TMEM59L: variants seen among roughly 807,000 people sequenced by gnomAD.
TMEM59L encodes transmembrane protein 59 like.
A neutral mutation model predicts 39.6 loss-of-function variants in TMEM59L; 31 were observed. The observed-to-expected ratio is 0.78, with a 90% CI of 0.59 to 1.06. The LOEUF is 1.06. TMEM59L is among the 50% of genes least tolerant of loss of function. The pLI is 0.00. For missense variants in TMEM59L, 441 were observed against 451.3 expected (o/e 0.98, Z 0.21); for synonymous variants, 219 against 202.9 (o/e 1.08, Z -0.68).
chr19:18,612,966 C>T lies in TMEM59L; in HGVS notation c.8C>T (p.Ala3Val), dbSNP rs1318358080. The change falls in exon 1 of 8, where the codon GCG (alanine) becomes GTG (valine). Residue 3 changes from alanine (A) to valine (V), a missense_variant. Transcript: ENST00000262817. This position sits in a 1 kb window ranked among gnomAD's most constrained non-coding sequence, Gnocchi z 6.2. MA[A>V]VALMPPPLLL... ...CCCGCGTTCCGCCCGGCCATGGCTG[C>T]GGTGGCGCTGATGCCACCGCCGCTG... The T allele has an allele frequency of 3.0e-6, 4 of 1,330,148 alleles. No homozygotes were observed. Among genetic ancestry groups the T allele is most frequent in the Non-Finnish European group, 3.8e-6 (4 of 1,044,640 alleles). 82.4% of individuals were successfully genotyped at this position (1,330,148 alleles called of 1,614,324 possible). A position where few individuals can be genotyped will look rare whatever the true frequency, so the allele number is the denominator to read the frequency against.
intron 5 of TMEM59L, chr19:18,617,803 A>T: frequency 2.6e-6 from 1 of 386,956 alleles, no homozygotes; most frequent in Non-Finnish European, 4.8e-6. Context: ...CCATGGGTTC[A>T]TCTCCTAAGG....
chr19:18,616,374 G>A (rs1286490682), intron 4 of TMEM59L, among the ~76,000 whole-genome samples: 1 of 118,528 alleles, frequency 8.4e-6, no homozygotes, highest in East Asian at 2.9e-4. Flanking sequence ...GGTTACAAAC[G>A]CTGTGGTTTT....
At chr19:18,613,744 C>T (rs73531625) in intron 1 of TMEM59L, 128 bp from the exon 2 acceptor site, 141,983 of 703,014 alleles carry the variant, frequency 0.2, 16,199 homozygotes, top group Non-Finnish European at 0.24. Context: ...CTCCCAACTT[C>T]ATCTCCATCT....
intron 1 of TMEM59L, 111 bp downstream of exon 1, chr19:18,613,240 T>G: frequency 1.5e-5 from 13 of 893,932 alleles, no homozygotes; most frequent in South Asian, 5.2e-5. Flanking sequence ...GGTGGGGGTG[T>G]CCGTGGGGAG....
chr19:18,616,624 C>T (rs543088406), intron 4 of TMEM59L, among the ~76,000 whole-genome samples: 1 of 152,282 alleles, frequency 6.6e-6, no homozygotes. Context: ...AACTCCTGAC[C>T]TCAGGTGTTT....
At chr19:18,617,639 C>T in intron 5 of TMEM59L, 2 of 456,130 alleles carry the variant, frequency 4.4e-6, no homozygotes, top group Non-Finnish European at 8.8e-6. Context: ...TCTCAGGGTT[C>T]CATGGTTCAT....
chr19:18,620,699 A>T lies in TMEM59L; in HGVS notation c.*163A>T. The T allele has an allele frequency of 9.5e-7, 1 of 1,057,920 alleles. No homozygotes were observed. The highest frequency in any genetic ancestry group is 1.3e-6 in the Non-Finnish European group (1 of 776,966). 65.5% of individuals were successfully genotyped at this position (1,057,920 alleles called of 1,614,324 possible). ...CCCCTTGCCCCACGGAGTCCTGGGG[A>T]CGCAGTGCCCCAGCTGGGAAGAGGG... is the stretch of plus-strand genomic sequence containing the variant. On this transcript the variant is annotated 3_prime_UTR_variant, in exon 8 of 8. Transcript: ENST00000262817.
chr19:18,613,037 T>C lies in TMEM59L; in HGVS notation c.79T>C (p.Ser27Pro). Residue 27 changes from serine to proline, a missense_variant, in exon 1 of 8, where the codon TCC becomes CCC. Coordinates refer to ENST00000262817, the MANE Select transcript of TMEM59L (RefSeq NM_012109.3). ...GTCGCCGCCCGCCGCCTCCGCGCCGTCCGCCCGCGATCCCTTCGCCCCCCA... is the reference window on the plus strand; with the variant it reads ...GTCGCCGCCCGCCGCCTCCGCGCCGCCCGCCCGCGATCCCTTCGCCCCCCA... ...LASPPAASAPSARDPFAPQLG... is the reference protein window; with the variant it reads ...LASPPAASAPPARDPFAPQLG... The C allele has an allele frequency of 1.4e-6, 2 of 1,393,340 alleles. No homozygotes were observed. The highest frequency in any genetic ancestry group is 1.9e-6 in the Non-Finnish European group (2 of 1,075,774). 86.3% of individuals were successfully genotyped at this position (1,393,340 alleles called of 1,614,324 possible).
intron 7 of TMEM59L, among the ~76,000 whole-genome samples, chr19:18,619,826 A>C (rs1976474580): frequency 6.6e-6 from 1 of 151,408 alleles, no homozygotes; most frequent in African/African-American, 2.4e-5. Context: ...AAGAAAAAAA[A>C]AATTAGCTAG....
rs1464666492 is a variant in TMEM59L, at chr19:18,612,973, G to A, written c.15G>A (p.Ala5=). The change falls in exon 1 of 8, where the codon GCG becomes GCA. Residue 5 remains alanine, a synonymous_variant. Transcript: ENST00000262817. This position sits in a 1 kb window ranked among gnomAD's most constrained non-coding sequence, Gnocchi z 6.2. MAAV[A]LMPPPLLLLL... is the part of the protein sequence containing the mutation. ...TCCGCCCGGCCATGGCTGCGGTGGCGCTGATGCCACCGCCGCTGCTGCTGC... is the reference window on the plus strand; with the variant it reads ...TCCGCCCGGCCATGGCTGCGGTGGCACTGATGCCACCGCCGCTGCTGCTGC... The A allele has an allele frequency of 7.5e-7, 1 of 1,340,564 alleles. No homozygotes were observed. Among genetic ancestry groups the A allele is most frequent in the Non-Finnish European group, 9.5e-7 (1 of 1,049,788 alleles). 83.0% of individuals were successfully genotyped at this position (1,340,564 alleles called of 1,614,324 possible).
chr19:18,618,634 T>C (rs1157840107), intron 7 of TMEM59L, 142 bp downstream of exon 7: 6 of 582,698 alleles, frequency 1.0e-5, no homozygotes, highest in Non-Finnish European at 1.5e-5. Flanking sequence ...TATATACATA[T>C]ATATACATAT....
chr19:18,613,888 C>T lies in TMEM59L; in HGVS notation c.188C>T (p.Ala63Val). The change falls in exon 2 of 8, where the codon GCC becomes GTC. Residue 63 changes from alanine to valine, a missense_variant. By Grantham distance (64) the Ala-to-Val change is moderately conservative. Coordinates refer to ENST00000262817, the MANE Select transcript of TMEM59L (RefSeq NM_012109.3). Reference sequence around the variant, plus strand: ...CTCCCCCAGGCGGGGCTGGAGGGCGCCTCCGAGTCTCCCTATGACAGAGCC... The same window carrying T: ...CTCCCCCAGGCGGGGCTGGAGGGCGTCTCCGAGTCTCCCTATGACAGAGCC... ...PQPSQAGLEG[A>V]SESPYDRAVL... is the part of the protein sequence containing the mutation. 1.2e-6 allele frequency: 2 copies of T among 1,612,024 alleles called. No homozygotes were observed. Among genetic ancestry groups the T allele is most frequent in the South Asian group, 1.1e-5 (1 of 91,062 alleles).
chr19:18,613,739 A>G, intron 1 of TMEM59L, 133 bp from the exon 2 acceptor site: 1 of 686,828 alleles, frequency 1.5e-6, no homozygotes, highest in Non-Finnish European at 2.4e-6. Flanking sequence ...AGCCTCTCCC[A>G]ACTTCATCTC....
intron 7 of TMEM59L, among the ~76,000 whole-genome samples, chr19:18,619,697 G>A (rs1327392517): frequency 3.3e-5 from 5 of 151,650 alleles, no homozygotes; most frequent in Middle Eastern, 3.4e-3. Flanking sequence ...CCAGCTACTC[G>A]GGAGGCTGAG....
chr19:18,614,038 G>T, intron 2 of TMEM59L, 22 bp downstream of exon 2: 2 of 1,613,094 alleles, frequency 1.2e-6, no homozygotes, highest in Non-Finnish European at 1.7e-6. Context: ...CCGGCAGGGT[G>T]GGCCAGCGTG....
chr19:18,616,265 A>C (rs1600665547), intron 4 of TMEM59L, 138 bp downstream of exon 4: 1 of 976,966 alleles, frequency 1.0e-6, no homozygotes, highest in Non-Finnish European at 1.5e-6. Flanking sequence ...CCAGGGGCTC[A>C]GTGTCTCACT....
Position 18,618,377 on chromosome 19 carries a change from G to T in TMEM59L, c.785G>T (p.Arg262Leu), listed in dbSNP as rs766410383. The change falls in exon 7 of 8, where the codon CGC (arginine) becomes CTC (leucine). Residue 262 changes from arginine to leucine, a missense_variant and splice_region_variant. By Grantham distance (102) the Arg-to-Leu change is moderately radical. Transcript: ENST00000262817. ...GTGGTGCCTGCCGGGCGGGGCAGGC[G>T]CTCGGGTCTGCCTCGCTGGATCCTG... ...DNDFLSCMSR[R>L]SGLPRWILAC... is the part of the protein sequence containing the mutation. 25 of 1,604,542 alleles carry T rather than the reference G, an allele frequency of 1.6e-5. No homozygotes were observed. The highest frequency in any genetic ancestry group is 2.1e-5 in the Non-Finnish European group (25 of 1,178,186).
rs1976384559 is a variant in TMEM59L at position 18,612,891 on chromosome 19, G to A, written c.-68G>A. On this transcript the variant is annotated 5_prime_UTR_variant, in exon 1 of 8. Coordinates refer to ENST00000262817, the MANE Select transcript of TMEM59L (RefSeq NM_012109.3). The surrounding 1 kb of genome is among the most constrained non-coding windows in gnomAD (Gnocchi z 6.2). The stretch of plus-strand genomic sequence containing the variant: ...TGACGTCAGCGCCCCGGTCCCCGCC[G>A]CAGCCGCTGCATCCTCCGTGCCCGG... 8.1e-7 allele frequency: 1 copy of A among 1,227,760 alleles called. No homozygotes were observed. Among genetic ancestry groups the A allele is most frequent in the Non-Finnish European group, 1.0e-6 (1 of 978,558 alleles). The allele number at this position is 1,227,760 out of a possible 1,614,324, so 76.1% of individuals were successfully genotyped here.
intron 7 of TMEM59L, among the ~76,000 whole-genome samples, chr19:18,618,818 C>T (rs542248988): frequency 7.9e-4 from 119 of 151,390 alleles, no homozygotes; most frequent in African/African-American, 2.8e-3. Context: ...CCTCAGCCTC[C>T]GAAGTAGCTG....
Sources: allele counts gnomAD v4.1 joint callset (sites outside exome capture counted in the v4.1 genomes callset), GRCh38; gene constraint gnomAD v4.1.1; non-coding constraint Gnocchi (gnomAD v3.1); transcripts MANE v1.5; gene names NCBI Gene and HGNC (gene_info 2026-07-23, HGNC 2026-07-21).